The following DNAH11 variants were observed in gnomAD, a reference collection of about 807,000 sequenced individuals.
DNAH11 encodes the protein axonemal beta dynein heavy chain 11.
A neutral mutation model predicts 526.0 loss-of-function variants in DNAH11; 442 were observed. The observed-to-expected ratio is 0.84, with a 90% CI of 0.78 to 0.91. The LOEUF (loss-of-function observed/expected upper bound fraction) is 0.91, where lower values mean the gene tolerates loss of function less well. DNAH11 is among the 40% of genes least tolerant of loss of function. DNAH11 has a pLI of 0.00. For synonymous variants in DNAH11, 2,461 were observed against 1,935.9 expected, an observed-to-expected ratio of 1.27 and a Z score of -7.12; for missense variants, 6,989 against 5,448.7, an observed-to-expected ratio of 1.28 and a Z score of -8.90.
chr7:21,855,898 G>A (rs865796607), intron 68 of DNAH11, among the ~76,000 whole-genome samples: 95 of 152,252 alleles, frequency 6.2e-4, no homozygotes, highest in African/African-American at 2.1e-3. Context: ...AGAAAGTATT[G>A]TAAGACAGAA....
chr7:21,784,388 T>C (rs777937621), intron 57 of DNAH11, 39 bp from the exon 58 acceptor site: 9 of 1,470,794 alleles, frequency 6.1e-6, no homozygotes, highest in Middle Eastern at 3.4e-4. Flanking sequence ...TCTGTGATAA[T>C]AATTTATACG....
rs1782257060 is a variant in DNAH11, at chr7:21,842,660, T to G, written c.10808T>G (p.Leu3603Arg). 6.2e-7 allele frequency: 1 copy of G among 1,613,792 alleles called. No homozygotes were observed. Among genetic ancestry groups the G allele is most frequent in the Non-Finnish European group, 8.5e-7 (1 of 1,179,846 alleles). The change falls in exon 66 of 82, where the codon CTC becomes CGC. Residue 3603 changes from leucine (L) to arginine (R), a missense_variant. Leu to Arg is a moderately radical substitution (Grantham distance 102). Coordinates refer to ENST00000409508, the MANE Select transcript of DNAH11 (RefSeq NM_001277115.2). ...KPELQAQTTL[L>R]NFTVTEDGLE... ...GAATTACAAGCTCAGACAACTCTCCTCAATTTCACAGTCACAGAAGATGGT... is the reference window on the plus strand; with the variant it reads ...GAATTACAAGCTCAGACAACTCTCCGCAATTTCACAGTCACAGAAGATGGT...
chr7:21,599,102 G>A (rs1403407764), intron 14 of DNAH11, among the ~76,000 whole-genome samples: 1 of 152,162 alleles, frequency 6.6e-6, no homozygotes, highest in Non-Finnish European at 1.5e-5. Context: ...TGTATATCCA[G>A]TGATGGGATT....
chr7:21,710,320 A>T (rs1487373606), intron 40 of DNAH11, among the ~76,000 whole-genome samples: 1 of 152,178 alleles, frequency 6.6e-6, no homozygotes. Flanking sequence ...TCTGTTTGGC[A>T]TATGGGAAGC....
At chr7:21,675,117 C>G (rs1248269694) in intron 30 of DNAH11, among the ~76,000 whole-genome samples, 1 of 152,158 alleles carries the variant, frequency 6.6e-6, no homozygotes, top group Non-Finnish European at 1.5e-5. Context: ...ACAGTATAGC[C>G]AGAGAAATAA....
chr7:21,623,084 A>G (rs1786155290), intron 25 of DNAH11, among the ~76,000 whole-genome samples: 1 of 151,736 alleles, frequency 6.6e-6, no homozygotes, highest in Non-Finnish European at 1.5e-5. Flanking sequence ...CAAAGGGCTA[A>G]TATCCAGAAT....
intron 28 of DNAH11, among the ~76,000 whole-genome samples, chr7:21,653,466 T>C (rs917853216): frequency 2.4e-4 from 37 of 152,312 alleles, no homozygotes; most frequent in African/African-American, 8.9e-4. Context: ...CTAGAAGTTC[T>C]TGAAATTATT....
chr7:21,714,497 T>G (rs571483085), intron 42 of DNAH11, among the ~76,000 whole-genome samples: 12 of 152,338 alleles, frequency 7.9e-5, no homozygotes, highest in African/African-American at 2.9e-4. Context: ...CTTTAACATC[T>G]TACTTTAATG....
intron 73 of DNAH11, among the ~76,000 whole-genome samples, chr7:21,872,215 A>G (rs949641495): frequency 4.0e-5 from 6 of 151,086 alleles, no homozygotes; most frequent in African/African-American, 1.5e-4. Context: ...ATACAGTCAC[A>G]TTATGAGATG....
chr7:21,875,136 G>A (rs1023645562), intron 74 of DNAH11, among the ~76,000 whole-genome samples: 6 of 152,118 alleles, frequency 3.9e-5, no homozygotes, highest in Non-Finnish European at 1.5e-5. Flanking sequence ...TGTGTAAATA[G>A]TAGGACTCAA....
chr7:21,650,941 A>G (rs936218921), intron 28 of DNAH11, among the ~76,000 whole-genome samples: 6 of 137,314 alleles, frequency 4.4e-5, no homozygotes, highest in South Asian at 2.4e-4. Context: ...TGCCGGGCCC[A>G]AAACTGTTAT....
chr7:21,784,131 C>G (rs1369485640), intron 57 of DNAH11, among the ~76,000 whole-genome samples: 1 of 152,206 alleles, frequency 6.6e-6, no homozygotes, highest in Non-Finnish European at 1.5e-5. Flanking sequence ...ATCACTTAAT[C>G]TTGCTTTTAC....
intron 68 of DNAH11, among the ~76,000 whole-genome samples, chr7:21,860,524 C>A (rs1783020132): frequency 6.6e-6 from 1 of 152,122 alleles, no homozygotes; most frequent in Non-Finnish European, 1.5e-5. Context: ...TTTACAATAG[C>A]CAAAAGGTGG....
chr7:21,775,864 T>G (rs1787649465), intron 56 of DNAH11, among the ~76,000 whole-genome samples: 1 of 152,178 alleles, frequency 6.6e-6, no homozygotes, highest in African/African-American at 2.4e-5. Context: ...CTGAACCTGT[T>G]GACTTTGCCC....
chr7:21,821,816 A>G (rs1790062617), intron 65 of DNAH11, among the ~76,000 whole-genome samples: 1 of 151,960 alleles, frequency 6.6e-6, no homozygotes, highest in South Asian at 2.1e-4. Context: ...TTCTAACTGT[A>G]TTTTTGTACC....
At chr7:21,746,713 A>G (rs898246184) in intron 51 of DNAH11, among the ~76,000 whole-genome samples, 5 of 152,116 alleles carry the variant, frequency 3.3e-5, no homozygotes, top group African/African-American at 1.2e-4. Context: ...GAACCTACAA[A>G]AATTGTAGAG....
chr7:21,611,899 C>G (rs762173496), intron 20 of DNAH11, among the ~76,000 whole-genome samples: 3 of 152,186 alleles, frequency 2.0e-5, no homozygotes, highest in Admixed American at 6.5e-5. Context: ...ATCACTAACT[C>G]TAGTTATTTA....
At chr7:21,647,055 G>A (rs1023070424) in intron 28 of DNAH11, among the ~76,000 whole-genome samples, 1 of 152,140 alleles carries the variant, frequency 6.6e-6, no homozygotes, top group Non-Finnish European at 1.5e-5. Context: ...AATTATATGT[G>A]TATTTCATGT....
Position 21,720,815 on chromosome 7 carries a change from G to C in DNAH11, c.7225G>C (p.Ala2409Pro). Reference sequence around the variant, plus strand: ...AGTTTATGAAGTCTATTTTGTATTTGCTTGTATCTGGGCTTTTGGAGGCAC... The same window carrying C: ...AGTTTATGAAGTCTATTTTGTATTTCCTTGTATCTGGGCTTTTGGAGGCAC... ...KEVYEVYFVF[A>P]CIWAFGGTLL... Residue 2409 changes from alanine (A) to proline (P), a missense_variant, in exon 44 of 82, where the codon GCT becomes CCT. Coordinates refer to ENST00000409508, the MANE Select transcript of DNAH11 (RefSeq NM_001277115.2). 6.2e-7 allele frequency: 1 copy of C among 1,612,736 alleles called. No individual in the cohort carries two copies. Among genetic ancestry groups the C allele is most frequent in the Non-Finnish European group, 8.5e-7 (1 of 1,179,348 alleles).
Sources: gnomAD v4.1 joint callset for allele counts (sites outside exome capture counted in the v4.1 genomes callset) on GRCh38, gnomAD v4.1.1 for gene constraint, MANE v1.5 for transcripts, NCBI Gene and HGNC (gene_info 2026-07-23, HGNC 2026-07-21) for gene names.